The following BCAR3 variants were observed in gnomAD, a reference collection of about 807,000 sequenced individuals.
BCAR3 encodes breast cancer anti-estrogen resistance protein 3.
In BCAR3, 37 loss-of-function variants were observed where a neutral mutation model predicts 80.1. That is an observed-to-expected ratio of 0.46 (90% CI 0.36 to 0.61). The LOEUF is 0.61. BCAR3 is among the 20% of genes least tolerant of loss of function. BCAR3 has a pLI of 0.00. For missense variants in BCAR3, 978 were observed against 1,068.2 expected, an observed-to-expected ratio of 0.92 and a Z score of 1.18; for synonymous variants, 389 against 418.9, an observed-to-expected ratio of 0.93 and a Z score of 0.87.
At chr1:93,639,423 G>GA (rs1675909338) in intron 3 of BCAR3, among the ~76,000 whole-genome samples, 1 of 151,092 alleles carries the variant, frequency 6.6e-6, no homozygotes, top group Admixed American at 6.6e-5. Flanking sequence ...TCTGGGCACT[G>GA]AAAAAACCAA....
chr1:93,632,010 C>T (rs1675635576), intron 3 of BCAR3, among the ~76,000 whole-genome samples: 1 of 152,184 alleles, frequency 6.6e-6, no homozygotes, highest in African/African-American at 2.4e-5. Context: ...ACCCATGCTG[C>T]CCCCACACAC....
At chr1:93,567,229 T>A in intron 11 of BCAR3, 50 bp downstream of exon 11, 1 of 1,588,076 alleles carries the variant, frequency 6.3e-7, no homozygotes. Flanking sequence ...ATTCCTTCAT[T>A]TCAATTACGA....
chr1:93,722,374 A>G (rs911467170), intron 2 of BCAR3, among the ~76,000 whole-genome samples: 2 of 152,206 alleles, frequency 1.3e-5, no homozygotes, highest in Admixed American at 6.5e-5. Context: ...CAGTCAAACA[A>G]TACCATAATT....
At chr1:93,630,465 A>C (rs1048295345) in intron 3 of BCAR3, among the ~76,000 whole-genome samples, 3 of 151,754 alleles carry the variant, frequency 2.0e-5, no homozygotes, top group African/African-American at 7.3e-5. Flanking sequence ...GGTCTCTAAA[A>C]AAAAAAAAAA....
intron 2 of BCAR3, among the ~76,000 whole-genome samples, chr1:93,767,297 C>T (rs919765308): frequency 4.6e-5 from 7 of 151,984 alleles, no homozygotes; most frequent in Non-Finnish European, 8.8e-5. Flanking sequence ...CCGAGGCAGG[C>T]GAATCACTTG....
chr1:93,608,485 C>T (rs929496095), intron 3 of BCAR3, among the ~76,000 whole-genome samples: 2 of 152,228 alleles, frequency 1.3e-5, no homozygotes, highest in African/African-American at 4.8e-5. Context: ...TGCGGGGAGA[C>T]CTTTGTGGTC....
intron 2 of BCAR3, among the ~76,000 whole-genome samples, chr1:93,786,677 AG>A (rs1652959231): frequency 6.6e-6 from 1 of 152,206 alleles, no homozygotes; most frequent in Non-Finnish European, 1.5e-5. Flanking sequence ...AACCTCCAAA[AG>A]CACAGATACC....
chr1:93,748,884 G>A (rs1292898381), intron 2 of BCAR3, among the ~76,000 whole-genome samples: 1 of 152,152 alleles, frequency 6.6e-6, no homozygotes, highest in African/African-American at 2.4e-5. Context: ...TGTGTCCTAT[G>A]CTTCTTTTAG....
At chr1:93,699,996 C>T (rs186671271) in intron 3 of BCAR3, among the ~76,000 whole-genome samples, 5 of 152,190 alleles carry the variant, frequency 3.3e-5, no homozygotes, top group African/African-American at 1.2e-4. Flanking sequence ...ACAGGTAAGG[C>T]AATGAGCCCA....
chr1:93,605,031 C>A (rs541939358), intron 3 of BCAR3, among the ~76,000 whole-genome samples: 2 of 152,144 alleles, frequency 1.3e-5, no homozygotes, highest in African/African-American at 4.8e-5. Flanking sequence ...ATAGATAAAC[C>A]GAAACACGAT....
At chr1:93,623,753 T>A (rs1252568437) in intron 3 of BCAR3, among the ~76,000 whole-genome samples, 2 of 152,202 alleles carry the variant, frequency 1.3e-5, no homozygotes, top group Non-Finnish European at 2.9e-5. Context: ...GCTCACCTTA[T>A]CAGTGTAAGA....
chr1:93,779,281 T>A (rs1652684029), intron 2 of BCAR3, among the ~76,000 whole-genome samples: 1 of 152,176 alleles, frequency 6.6e-6, no homozygotes, highest in Non-Finnish European at 1.5e-5. Flanking sequence ...CAGGGCCAAG[T>A]CATTCATTCA....
intron 2 of BCAR3, among the ~76,000 whole-genome samples, chr1:93,756,671 C>A: frequency 6.6e-6 from 1 of 152,138 alleles, no homozygotes; most frequent in Non-Finnish European, 1.5e-5. Context: ...ACTGAAAGGG[C>A]CTTGGTTAGT....
At chr1:93,829,117 C>T (rs1330173021) in intron 2 of BCAR3, among the ~76,000 whole-genome samples, 1 of 152,122 alleles carries the variant, frequency 6.6e-6, no homozygotes, top group African/African-American at 2.4e-5. Flanking sequence ...AAGAGGGTCT[C>T]CGGTCTGCAG....
chr1:93,773,841 C>T (rs1466051845), intron 2 of BCAR3, among the ~76,000 whole-genome samples: 1 of 152,194 alleles, frequency 6.6e-6, no homozygotes, highest in Non-Finnish European at 1.5e-5. Flanking sequence ...ACAGCCTTCT[C>T]CTTCTAGCCA....
chr1:93,638,903 A>C lies in BCAR3; in HGVS notation c.357+3401T>G, dbSNP rs144583238. Among the ~76,000 whole-genome samples, 254 of 152,318 alleles carry C rather than the reference A, an allele frequency of 1.7e-3. 2 individuals are homozygous for C. Among genetic ancestry groups the C allele is most frequent in the African/African-American group, 5.6e-3 (234 of 41,564 alleles). On this transcript the variant is annotated intron_variant, in intron 3 of 11. Transcript: ENST00000260502. ...AAGGTTAGGAAAAATGTGAAAAAAA[A>C]CAAAATTCTCTCCTGTAAGTGCCAG...
chr1:93,584,374 GCCT>G (rs1222448825), intron 5 of BCAR3, among the ~76,000 whole-genome samples: 1 of 152,156 alleles, frequency 6.6e-6, no homozygotes, highest in East Asian at 1.9e-4. Context: ...GTCCTAGGAT[GCCT>G]CCTCTGGGCT....
intron 3 of BCAR3, among the ~76,000 whole-genome samples, chr1:93,618,690 AAG>A (rs1391918887): frequency 2.6e-5 from 4 of 152,194 alleles, no homozygotes; most frequent in African/African-American, 9.7e-5. Flanking sequence ...TTCAGGCAAA[AAG>A]AAAGAAAAGA....
chr1:93,604,132 A>G (rs1674705849), intron 3 of BCAR3, among the ~76,000 whole-genome samples: 1 of 152,202 alleles, frequency 6.6e-6, no homozygotes, highest in Middle Eastern at 3.2e-3. Context: ...CTGTAGACCA[A>G]ATGGTCGTTT....
Sources: allele counts gnomAD v4.1 joint callset (sites outside exome capture counted in the v4.1 genomes callset), GRCh38; gene constraint gnomAD v4.1.1; transcripts MANE v1.5; gene names NCBI Gene and HGNC (gene_info 2026-07-23, HGNC 2026-07-21).